The following GRIN2A variants were observed in gnomAD, a reference collection of about 807,000 sequenced individuals.
GRIN2A encodes the protein glutamate receptor ionotropic, NMDA 2A.
A neutral mutation model predicts 113.4 loss-of-function variants in GRIN2A; 22 were observed. That is an observed-to-expected ratio of 0.19 (90% CI 0.14 to 0.28). GRIN2A has a LOEUF of 0.28. Ranked by LOEUF, GRIN2A falls within the 10% of genes least tolerant of loss-of-function variation. The pLI is 1.00. For synonymous variants in GRIN2A, 827 were observed against 738.4 expected, an observed-to-expected ratio of 1.12 and a Z score of -1.94; for missense variants, 1,502 against 1,887.0, an observed-to-expected ratio of 0.80 and a Z score of 3.78.
At chr16:9,805,266 C>G (rs2041944285) in intron 10 of GRIN2A, among the ~76,000 whole-genome samples, 2 of 152,178 alleles carry the variant, frequency 1.3e-5, no homozygotes, top group African/African-American at 4.8e-5. Context: ...TCTTCTTATG[C>G]ATGTTTGCAG....
At chr16:9,948,572 T>C (rs140362003) in intron 2 of GRIN2A, among the ~76,000 whole-genome samples, 47 of 152,368 alleles carry the variant, frequency 3.1e-4, no homozygotes, top group Non-Finnish European at 2.5e-4. Context: ...AGACAGTGTC[T>C]GATGTCTAAC....
intron 8 of GRIN2A, among the ~76,000 whole-genome samples, chr16:9,830,445 C>G (rs1021573315): frequency 7.7e-5 from 10 of 130,452 alleles, no homozygotes; most frequent in African/African-American, 2.4e-4. Flanking sequence ...GTAAAACACA[C>G]ATATTAGGGT....
intron 2 of GRIN2A, among the ~76,000 whole-genome samples, chr16:10,149,135 A>T (rs1020779327): frequency 6.6e-6 from 1 of 152,176 alleles, no homozygotes; most frequent in African/African-American, 2.4e-5. Context: ...AATAGAAAGA[A>T]CGAATAAGAT....
At chr16:9,861,302 C>T (rs141066444) in intron 4 of GRIN2A, among the ~76,000 whole-genome samples, 12 of 152,218 alleles carry the variant, frequency 7.9e-5, no homozygotes, top group African/African-American at 1.4e-4. Context: ...ACAAAGCAAA[C>T]GGGAGACCAA....
At chr16:9,798,630 G>A (rs1279532042) in intron 10 of GRIN2A, among the ~76,000 whole-genome samples, 166 bp from the exon 11 acceptor site, 1 of 152,152 alleles carries the variant, frequency 6.6e-6, no homozygotes, top group Non-Finnish European at 1.5e-5. Flanking sequence ...TTTTAATGAG[G>A]AGATAAAAGC....
At chr16:10,159,706 G>C (rs979246482) in intron 2 of GRIN2A, among the ~76,000 whole-genome samples, 2 of 152,096 alleles carry the variant, frequency 1.3e-5, no homozygotes, top group Non-Finnish European at 2.9e-5. Context: ...TATTATTTTA[G>C]ATAGATAATA....
intron 2 of GRIN2A, among the ~76,000 whole-genome samples, chr16:9,956,695 G>A (rs763526830): frequency 6.6e-6 from 1 of 152,198 alleles, no homozygotes; most frequent in Non-Finnish European, 1.5e-5. Flanking sequence ...AATTGCCATT[G>A]AAATTCACAT....
intron 5 of GRIN2A, among the ~76,000 whole-genome samples, chr16:9,844,936 C>T (rs1374649145): frequency 6.6e-6 from 1 of 152,148 alleles, no homozygotes; most frequent in African/African-American, 2.4e-5. Context: ...GAAGATCCCA[C>T]CACTTGCCAG....
intron 2 of GRIN2A, among the ~76,000 whole-genome samples, chr16:10,135,035 A>G (rs544466089): frequency 1.3e-5 from 2 of 152,314 alleles, no homozygotes; most frequent in East Asian, 3.9e-4. Flanking sequence ...TAGGCTGAGA[A>G]TTTCCCAAGT....
At chr16:9,911,901 G>A (rs2044147148) in intron 3 of GRIN2A, among the ~76,000 whole-genome samples, 1 of 152,194 alleles carries the variant, frequency 6.6e-6, no homozygotes, top group African/African-American at 2.4e-5. Flanking sequence ...CCTAAAGGGT[G>A]AGAGGCATTA....
chr16:9,923,737 A>C (rs1393153281), intron 3 of GRIN2A, among the ~76,000 whole-genome samples: 1 of 152,174 alleles, frequency 6.6e-6, no homozygotes, highest in Non-Finnish European at 1.5e-5. Flanking sequence ...TATTGTTGTC[A>C]TATTTACTTT....
At chr16:9,957,317 A>G (rs2141691106) in intron 2 of GRIN2A, among the ~76,000 whole-genome samples, 1 of 152,312 alleles carries the variant, frequency 6.6e-6, no homozygotes, top group African/African-American at 2.4e-5. Flanking sequence ...CAGTGGATAT[A>G]GGATTGAGCT....
intron 4 of GRIN2A, among the ~76,000 whole-genome samples, chr16:9,882,810 C>A (rs2043507455): frequency 6.6e-6 from 1 of 152,084 alleles, no homozygotes; most frequent in Non-Finnish European, 1.5e-5. Flanking sequence ...ATTACAAGGT[C>A]TGGGAGATGC....
chr16:9,929,104 A>T (rs1014099431), intron 3 of GRIN2A, among the ~76,000 whole-genome samples: 6 of 152,182 alleles, frequency 3.9e-5, no homozygotes, highest in Non-Finnish European at 7.3e-5. Context: ...TTATTTACCA[A>T]TTAATGTTAA....
chr16:10,130,859 T>C (rs560355244), intron 2 of GRIN2A, among the ~76,000 whole-genome samples: 1 of 152,244 alleles, frequency 6.6e-6, no homozygotes, highest in Admixed American at 6.5e-5. Flanking sequence ...TGCTAACATA[T>C]AATCCATAGC....
At chr16:9,840,445 G>A (rs1433614887) in intron 7 of GRIN2A, among the ~76,000 whole-genome samples, 1 of 152,058 alleles carries the variant, frequency 6.6e-6, no homozygotes, top group African/African-American at 2.4e-5. Flanking sequence ...TCAACAGCTG[G>A]GGATTACAAT....
intron 5 of GRIN2A, among the ~76,000 whole-genome samples, 170 bp from the exon 6 acceptor site, chr16:9,841,274 CTTAA>C (rs2042673714): frequency 6.6e-6 from 1 of 152,152 alleles, no homozygotes; most frequent in Non-Finnish European, 1.5e-5. Flanking sequence ...AGAAAGTGTC[CTTAA>C]TTATAGCAGT....
chr16:9,871,517 A>T (rs185165015), intron 4 of GRIN2A, among the ~76,000 whole-genome samples: 18 of 151,982 alleles, frequency 1.2e-4, no homozygotes, highest in African/African-American at 4.4e-4. Context: ...TTGTATATGC[A>T]TAATAGTTCC....
intron 2 of GRIN2A, among the ~76,000 whole-genome samples, chr16:10,122,813 A>G (rs2048860194): frequency 6.6e-6 from 1 of 152,168 alleles, no homozygotes; most frequent in Non-Finnish European, 1.5e-5. Context: ...GAAATACACA[A>G]TATCAATCAT....
Sources: gnomAD v4.1 joint callset for allele counts (sites outside exome capture counted in the v4.1 genomes callset) on GRCh38, gnomAD v4.1.1 for gene constraint, MANE v1.5 for transcripts, NCBI Gene and HGNC (gene_info 2026-07-23, HGNC 2026-07-21) for gene names.